NAALADL2: variants seen among roughly 807,000 people sequenced by gnomAD.
The protein encoded by NAALADL2 is N-acetylated alpha-linked acidic dipeptidase like 2.
In NAALADL2, 76 loss-of-function variants were observed where a neutral mutation model predicts 87.2. The ratio of observed to expected loss-of-function variants is 0.87; its 90% CI spans 0.72 to 1.05. The LOEUF (loss-of-function observed/expected upper bound fraction) is 1.05. Ranked by LOEUF, NAALADL2 falls within the 50% of genes least tolerant of loss-of-function variation. The pLI, the probability that NAALADL2 is intolerant of heterozygous loss-of-function variation, is 0.00. For synonymous variants in NAALADL2, 354 were observed against 331.0 expected, an observed-to-expected ratio of 1.07 and a Z score of -0.75; for missense variants, 1,089 against 945.8, an observed-to-expected ratio of 1.15 and a Z score of -1.99.
At chr3:175,434,730 A>T (rs1433322309) in intron 5 of NAALADL2, among the ~76,000 whole-genome samples, 1 of 152,074 alleles carries the variant, frequency 6.6e-6, no homozygotes, top group Non-Finnish European at 1.5e-5. Flanking sequence ...TTTGCAAATC[A>T]TTCCAATGTT....
chr3:174,567,420 T>C lies in NAALADL2; in HGVS notation c.-115+16783T>C, dbSNP rs79393285. ...ATTTTTTCAATATAATTTTTTTCAA[T>C]TATATCTAAACATTAGGCACTGAAC... On this transcript the variant is annotated intron_variant, in intron 2 of 3. Transcript: ENST00000434257. Among the ~76,000 whole-genome samples, 344 of 151,668 alleles carry C rather than the reference T, an allele frequency of 2.3e-3. 9 individuals are homozygous for C. The East Asian group carries it at 0.052, about 23-fold the overall frequency.
At chr3:174,670,111 C>T (rs1300308111) in intron 2 of NAALADL2, among the ~76,000 whole-genome samples, 2 of 132,962 alleles carry the variant, frequency 1.5e-5, no homozygotes, top group African/African-American at 5.3e-5. Flanking sequence ...TGCTAAATTT[C>T]CTTATTATTT....
At chr3:174,523,246 T>G (rs1720442137) in intron 1 of NAALADL2, among the ~76,000 whole-genome samples, 1 of 152,200 alleles carries the variant, frequency 6.6e-6, no homozygotes. Flanking sequence ...GTGATGAGAC[T>G]GCAGTTTAAG....
chr3:175,416,004 T>C (rs1714574062), intron 5 of NAALADL2, among the ~76,000 whole-genome samples: 1 of 151,082 alleles, frequency 6.6e-6, no homozygotes, highest in Non-Finnish European at 1.5e-5. Flanking sequence ...ATACCTGTAG[T>C]TCCAGTTACC....
At chr3:175,780,369 C>A (rs1194154849) in intron 13 of NAALADL2, among the ~76,000 whole-genome samples, 3 of 151,754 alleles carry the variant, frequency 2.0e-5, no homozygotes, top group African/African-American at 7.3e-5. Context: ...CACAAACACA[C>A]ACAAACAGTA....
At chr3:174,670,791 C>T (rs1266614874) in intron 2 of NAALADL2, among the ~76,000 whole-genome samples, 3 of 151,894 alleles carry the variant, frequency 2.0e-5, no homozygotes, top group African/African-American at 7.3e-5. Context: ...TTTCTAACAC[C>T]TTATATGGTT....
chr3:175,216,109 T>C (rs1243423454), intron 2 of NAALADL2, among the ~76,000 whole-genome samples: 1 of 152,214 alleles, frequency 6.6e-6, no homozygotes, highest in Non-Finnish European at 1.5e-5. Flanking sequence ...ATGCACTGCC[T>C]GGATTCTTAT....
intron 1 of NAALADL2, among the ~76,000 whole-genome samples, chr3:175,013,821 C>CAT (rs2108827532): frequency 6.6e-6 from 1 of 152,188 alleles, no homozygotes; most frequent in South Asian, 2.1e-4. Flanking sequence ...AAATTCCTTC[C>CAT]TCTCGCATGT....
chr3:175,719,745 G>A (rs958029450), intron 11 of NAALADL2, among the ~76,000 whole-genome samples: 2 of 152,148 alleles, frequency 1.3e-5, no homozygotes, highest in South Asian at 4.1e-4. Flanking sequence ...TCAGGCTGCT[G>A]TACCAAAATG....
intron 13 of NAALADL2, among the ~76,000 whole-genome samples, chr3:175,789,347 T>C (rs932088630): frequency 1.3e-5 from 2 of 152,218 alleles, no homozygotes; most frequent in Non-Finnish European, 2.9e-5. Context: ...GTAGACTCTT[T>C]TGTATATGTC....
intron 2 of NAALADL2, among the ~76,000 whole-genome samples, chr3:174,576,393 A>T (rs1715533859): frequency 6.6e-6 from 1 of 152,146 alleles, no homozygotes; most frequent in South Asian, 2.1e-4. Flanking sequence ...GGGACTATAG[A>T]TATATTTCCT....
At chr3:174,453,349 G>A (rs558166370) in intron 1 of NAALADL2, among the ~76,000 whole-genome samples, 2 of 152,242 alleles carry the variant, frequency 1.3e-5, no homozygotes, top group African/African-American at 2.4e-5. Flanking sequence ...GAAGCAACTT[G>A]GAAATCACAT....
intron 11 of NAALADL2, among the ~76,000 whole-genome samples, chr3:175,643,964 C>T (rs773475515): frequency 5.3e-5 from 8 of 151,972 alleles, no homozygotes; most frequent in Non-Finnish European, 7.4e-5. Flanking sequence ...GATTTCATTT[C>T]GTTTTGTTCT....
At chr3:175,261,180 G>A (rs937844418) in intron 4 of NAALADL2, among the ~76,000 whole-genome samples, 5 of 151,900 alleles carry the variant, frequency 3.3e-5, no homozygotes, top group Non-Finnish European at 5.9e-5. Context: ...ACATTAATTC[G>A]TCACAATGTA....
rs534147040 is a variant in NAALADL2 at position 175,766,871 on chromosome 3, C to G, written c.2189+11453C>G. 5.9e-5 allele frequency among the ~76,000 whole-genome samples: 9 copies of G among 152,012 alleles called. No individual in the cohort carries two copies. The South Asian group carries it at 1.7e-3, about 28-fold the overall frequency. On this transcript the variant is annotated intron_variant, in intron 13 of 13. Transcript: ENST00000454872. Reference sequence around the variant, plus strand: ...TTGACATTTTCTAGATTTTGAGTAGCAAAATTTTCTTCTTATAATAAGAAA... The same window carrying G: ...TTGACATTTTCTAGATTTTGAGTAGGAAAATTTTCTTCTTATAATAAGAAA...
At chr3:174,523,943 A>C (rs1308852619) in intron 1 of NAALADL2, among the ~76,000 whole-genome samples, 2 of 152,186 alleles carry the variant, frequency 1.3e-5, no homozygotes, top group Non-Finnish European at 2.9e-5. Context: ...GTGCCCCATT[A>C]TCTCTCTTAG....
intron 11 of NAALADL2, among the ~76,000 whole-genome samples, chr3:175,671,170 G>A (rs1481877725): frequency 6.6e-6 from 1 of 150,802 alleles, no homozygotes; most frequent in East Asian, 1.9e-4. Context: ...TTTTTCCAAA[G>A]GAAGTGAAAA....
intron 1 of NAALADL2, among the ~76,000 whole-genome samples, chr3:174,971,502 A>G (rs1392905277): frequency 1.3e-5 from 2 of 152,154 alleles, no homozygotes; most frequent in Non-Finnish European, 2.9e-5. Flanking sequence ...TATGGTCTTT[A>G]CAGATTTCCT....
At position 174,622,158 on chromosome 3, in the gene NAALADL2, G is replaced by C. The variant is rs573394763; in HGVS notation, c.-115+71521G>C. 5.1e-4 allele frequency among the ~76,000 whole-genome samples: 78 copies of C among 152,280 alleles called. No individual in the cohort carries two copies. In the South Asian group the frequency reaches 5.2e-3, roughly 10 times the overall value. ...TAACTTAATGACCTGGCCATGCATA[G>C]ATAGTCTAGAAAATGTTGCCTCTTA... On this transcript the variant is annotated intron_variant, in intron 2 of 3. Coordinates refer to the NAALADL2 transcript ENST00000434257.
Sources: gnomAD v4.1 joint callset for allele counts (sites outside exome capture counted in the v4.1 genomes callset) on GRCh38, gnomAD v4.1.1 for gene constraint, MANE v1.5 for transcripts, NCBI Gene and HGNC (gene_info 2026-07-23, HGNC 2026-07-21) for gene names.